Variants in CDC25A observed in about 807,000 individuals in gnomAD.
The protein encoded by CDC25A is cell division cycle 25A, also known as M-phase inducer phosphatase 1.
Under a neutral mutation model 64.6 loss-of-function variants are expected in CDC25A, and 17 were observed. The ratio of observed to expected loss-of-function variants is 0.26; its 90% CI spans 0.18 to 0.39. The LOEUF (loss-of-function observed/expected upper bound fraction) is 0.39, where lower values mean the gene tolerates loss of function less well. Among genes scored for constraint, CDC25A ranks in the 10% least tolerant of loss-of-function variants. CDC25A has a pLI of 1.00. For missense variants in CDC25A, 473 were observed against 654.8 expected, an observed-to-expected ratio of 0.72 and a Z score of 3.03; for synonymous variants, 229 against 238.6, an observed-to-expected ratio of 0.96 and a Z score of 0.37.
At chr3:48,173,849 A>G (rs888157231) in intron 9 of CDC25A, among the ~76,000 whole-genome samples, 4 of 152,222 alleles carry the variant, frequency 2.6e-5, no homozygotes, top group African/African-American at 9.7e-5. Flanking sequence ...AAAAATCCCA[A>G]CTTGAACAGG....
At chr3:48,159,476 C>G in intron 13 of CDC25A, 21 bp from the exon 14 acceptor site, 1 of 1,562,572 alleles carries the variant, frequency 6.4e-7, no homozygotes, top group African/African-American at 1.4e-5. Flanking sequence ...GAAGGAAGGC[C>G]AAAGCAGGGT....
In CDC25A at chr3:48,163,342, C is replaced by T. The variant is rs1229453481; in HGVS notation, c.1322+965G>A. Among the ~76,000 whole-genome samples the T allele has an allele frequency of 2.0e-5, 3 of 151,172 alleles. No homozygotes were observed. In the East Asian group the frequency reaches 5.8e-4, roughly 29 times the overall value. On this transcript the variant is annotated intron_variant, in intron 13 of 14. Transcript: ENST00000302506. ...AGAAAAAGCCAGGTGCAGTGGCTCA[C>T]GCCTGTAATCCCACTACTTTGGGAG...
intron 3 of CDC25A, among the ~76,000 whole-genome samples, chr3:48,184,194 T>G (rs560092790): frequency 6.6e-6 from 1 of 151,926 alleles, no homozygotes; most frequent in Non-Finnish European, 1.5e-5. Flanking sequence ...AAACCTCGTG[T>G]CTACTAAAAA....
At chr3:48,162,578 T>G (rs941735246) in intron 13 of CDC25A, among the ~76,000 whole-genome samples, 1 of 151,552 alleles carries the variant, frequency 6.6e-6, no homozygotes, top group African/African-American at 2.4e-5. Flanking sequence ...TCAGGCGCAG[T>G]GGCTCACGCC....
chr3:48,183,923 C>T, intron 3 of CDC25A, 87 bp from the exon 4 acceptor site: 1 of 783,228 alleles, frequency 1.3e-6, no homozygotes, highest in Non-Finnish European at 2.1e-6. Context: ...TAGCCTGTAG[C>T]TTGGGGGTAC....
intron 13 of CDC25A, among the ~76,000 whole-genome samples, chr3:48,162,900 C>T (rs1188251862): frequency 6.6e-6 from 1 of 151,844 alleles, no homozygotes; most frequent in Non-Finnish European, 1.5e-5. Context: ...GCCTGCAATC[C>T]TAGCACTTTG....
At chr3:48,166,300 A>G (rs1440831688) in intron 10 of CDC25A, among the ~76,000 whole-genome samples, 1 of 152,046 alleles carries the variant, frequency 6.6e-6, no homozygotes, top group Non-Finnish European at 1.5e-5. Flanking sequence ...AAACAAACAA[A>G]CAAGCAAACA....
intron 7 of CDC25A, 59 bp downstream of exon 7, chr3:48,177,795 T>C: frequency 6.3e-7 from 1 of 1,598,782 alleles, no homozygotes; most frequent in Non-Finnish European, 8.6e-7. Flanking sequence ...ATCACATGCC[T>C]TCTCCAGAGG....
chr3:48,182,046 C>A (rs1367212969), intron 5 of CDC25A, among the ~76,000 whole-genome samples: 1 of 152,170 alleles, frequency 6.6e-6, no homozygotes, highest in Non-Finnish European at 1.5e-5. Flanking sequence ...TCCAGGCAAG[C>A]AACCCTGAGA....
chr3:48,182,115 A>G (rs1007587544), intron 5 of CDC25A, among the ~76,000 whole-genome samples: 2 of 152,202 alleles, frequency 1.3e-5, no homozygotes, highest in African/African-American at 4.8e-5. Context: ...AAAGCACTAG[A>G]GGCTGATACA....
intron 4 of CDC25A, 67 bp from the exon 5 acceptor site, chr3:48,183,097 C>A: frequency 1.1e-5 from 13 of 1,134,318 alleles, no homozygotes; most frequent in Admixed American, 7.8e-5. Flanking sequence ...ATTCAGTTCT[C>A]AAAAGAAAAA....
At chr3:48,183,102 G>T in intron 4 of CDC25A, 72 bp from the exon 5 acceptor site, 1 of 1,009,980 alleles carries the variant, frequency 9.9e-7, no homozygotes, top group Non-Finnish European at 1.5e-6. Flanking sequence ...GTTCTCAAAA[G>T]AAAAAAAAGG....
At chr3:48,161,844 T>G (rs1479955590) in intron 13 of CDC25A, among the ~76,000 whole-genome samples, 3 of 152,074 alleles carry the variant, frequency 2.0e-5, no homozygotes, top group African/African-American at 7.2e-5. Flanking sequence ...GTAGATCACT[T>G]GAGGTCAGGA....
At position 48,187,968 on chromosome 3, in the gene CDC25A, A is replaced by AGCTCCC; in HGVS notation, c.-27_-22dup. The AGCTCCC allele has an allele frequency of 1.4e-6, 2 of 1,455,364 alleles. No homozygotes were observed. The highest frequency in any genetic ancestry group is 1.8e-6 in the Non-Finnish European group (2 of 1,109,594). 90.2% of individuals were successfully genotyped at this position (1,455,364 alleles called of 1,614,324 possible). A position where few individuals can be genotyped will look rare whatever the true frequency, so the allele number is the denominator to read the frequency against. ...TCCATGGCGGCGCCCGGCCTCGCAG[A>AGCTCCC]GCTCCCGCTCCCTCTTCCTCTGCCT... On this transcript the variant is annotated 5_prime_UTR_variant, in exon 1 of 15. Transcript: ENST00000302506.
At chr3:48,162,534 C>A (rs1475359515) in intron 13 of CDC25A, among the ~76,000 whole-genome samples, 1 of 151,980 alleles carries the variant, frequency 6.6e-6, no homozygotes, top group Non-Finnish European at 1.5e-5. Flanking sequence ...CCAGCCATAA[C>A]CTCACCTCTT....
chr3:48,164,156 C>T (rs1027235124), intron 13 of CDC25A, 151 bp downstream of exon 13: 4 of 659,770 alleles, frequency 6.1e-6, no homozygotes, highest in African/African-American at 3.7e-5. Context: ...AAGTTCACCT[C>T]AGGATAAAAT....
intron 2 of CDC25A, 103 bp from the exon 3 acceptor site, chr3:48,184,798 G>C: frequency 1.3e-6 from 1 of 776,230 alleles, no homozygotes. Context: ...ATTTAAGTCA[G>C]GCAACAAATA....
chr3:48,166,013 G>T (rs1189559143), intron 10 of CDC25A, 120 bp from the exon 11 acceptor site: 1 of 721,536 alleles, frequency 1.4e-6, no homozygotes, highest in Non-Finnish European at 2.4e-6. Context: ...GGCCAGGCAC[G>T]GTGGCTCACA....
chr3:48,159,093 G>A lies in CDC25A; in HGVS notation c.1435-8C>T, dbSNP rs1372917687. 6.2e-7 allele frequency: 1 copy of A among 1,613,912 alleles called. No individual in the cohort carries two copies. Among genetic ancestry groups the A allele is most frequent in the Non-Finnish European group, 8.5e-7 (1 of 1,179,880 alleles). ...AGGGGGCTCACAGTAAGACTGAGGG[G>A]ACAGGAGAGAATAAGGTTAGGGTAC... is the stretch of plus-strand genomic sequence containing the variant. On this transcript the variant is annotated splice_region_variant and splice_polypyrimidine_tract_variant and intron_variant, in intron 14 of 14. Transcript: ENST00000302506.
Sources: allele counts gnomAD v4.1 joint callset (sites outside exome capture counted in the v4.1 genomes callset), GRCh38; gene constraint gnomAD v4.1.1; transcripts MANE v1.5; gene names NCBI Gene and HGNC (gene_info 2026-07-23, HGNC 2026-07-21).